UMAD1: variants seen among roughly 807,000 people sequenced by gnomAD.
UMAD1 encodes UBAP1-MVB12-associated (UMA) domain containing 1.
UMAD1 carries 8 observed loss-of-function variants against 6.1 expected under a neutral mutation model. The observed-to-expected ratio is 1.30, with a 90% CI of 0.76 to 2.35. UMAD1 has a LOEUF of 2.35. UMAD1 is among the 30% of genes most tolerant of loss of function. UMAD1 has a pLI of 0.00. For missense variants in UMAD1, 130 were observed against 78.4 expected, an observed-to-expected ratio of 1.66 and a Z score of -2.49; for synonymous variants, 56 against 31.4, an observed-to-expected ratio of 1.78 and a Z score of -2.61.
intron 2 of UMAD1, among the ~76,000 whole-genome samples, chr7:7,691,288 T>C (rs1262440624): frequency 1.3e-5 from 2 of 152,228 alleles, no homozygotes; most frequent in Non-Finnish European, 2.9e-5. Flanking sequence ...AAAAAACTTG[T>C]AAACAACTGA....
chr7:7,850,627 T>C (rs1783890492), intron 3 of UMAD1, among the ~76,000 whole-genome samples: 1 of 152,120 alleles, frequency 6.6e-6, no homozygotes, highest in Non-Finnish European at 1.5e-5. Context: ...TTATTTCTGG[T>C]ATATAATCAG....
chr7:7,696,354 A>C (rs1405374273), intron 2 of UMAD1, among the ~76,000 whole-genome samples: 2 of 151,932 alleles, frequency 1.3e-5, no homozygotes, highest in African/African-American at 4.8e-5. Flanking sequence ...GTATCACGAT[A>C]AAGACAATTT....
At chr7:7,769,305 A>G (rs1426640306) in intron 2 of UMAD1, among the ~76,000 whole-genome samples, 2 of 152,120 alleles carry the variant, frequency 1.3e-5, no homozygotes, top group South Asian at 2.1e-4. Flanking sequence ...CTCAAAAATA[A>G]TTGCCCTTTA....
rs558373339 is a variant in UMAD1, at chr7:7,668,439, A to G, written c.-63-4870A>G. Among the ~76,000 whole-genome samples, 7 of 152,220 alleles carry G rather than the reference A, an allele frequency of 4.6e-5. No individual in the cohort carries two copies. In the South Asian group the frequency reaches 1.4e-3, roughly 32 times the overall value. On this transcript the variant is annotated intron_variant, in intron 1 of 3. Coordinates refer to ENST00000682710, the MANE Select transcript of UMAD1 (RefSeq NM_001302348.2). ...GGGGGACCATATTCACATAACTTTT[A>G]TTACTATATATTGTTATAGTTCTAT...
chr7:7,748,535 A>C (rs1781617835), intron 2 of UMAD1, among the ~76,000 whole-genome samples: 2 of 152,014 alleles, frequency 1.3e-5, no homozygotes, highest in Non-Finnish European at 2.9e-5. Flanking sequence ...GAGGGGATCA[A>C]GTGAGGAAGG....
At chr7:7,875,012 G>T (rs1176375476) in intron 3 of UMAD1, among the ~76,000 whole-genome samples, 1 of 152,142 alleles carries the variant, frequency 6.6e-6, no homozygotes, top group Non-Finnish European at 1.5e-5. Flanking sequence ...GACCTCAGGT[G>T]ATCTGCCCAC....
At chr7:7,676,099 C>T in intron 2 of UMAD1, 1 of 398,664 alleles carries the variant, frequency 2.5e-6, no homozygotes. Context: ...CCTTCTTCCG[C>T]AGAAGCATCT....
intron 3 of UMAD1, among the ~76,000 whole-genome samples, chr7:7,804,139 A>G (rs796681015): frequency 2.0e-5 from 3 of 152,314 alleles, no homozygotes; most frequent in African/African-American, 7.2e-5. Flanking sequence ...AGTGCCTTCT[A>G]TGCAAGTACC....
chr7:7,728,891 A>T (rs1268472339), intron 2 of UMAD1, among the ~76,000 whole-genome samples: 1 of 152,182 alleles, frequency 6.6e-6, no homozygotes, highest in Non-Finnish European at 1.5e-5. Flanking sequence ...TTAGGAATGT[A>T]TGGTGAATAT....
chr7:7,693,510 T>C (rs891464717), intron 2 of UMAD1, among the ~76,000 whole-genome samples: 15 of 152,150 alleles, frequency 9.9e-5, no homozygotes, highest in African/African-American at 3.4e-4. Context: ...TTTTCCTGGA[T>C]GTCGATAGTT....
At chr7:7,663,010 A>G (rs1482026776) in intron 1 of UMAD1, among the ~76,000 whole-genome samples, 1 of 84,000 alleles carries the variant, frequency 1.2e-5, no homozygotes, top group Non-Finnish European at 2.7e-5. Context: ...GTGCTTTGAA[A>G]AAGCCTTTTT....
intron 2 of UMAD1, among the ~76,000 whole-genome samples, chr7:7,723,061 A>G (rs1015212881): frequency 5.3e-5 from 8 of 152,142 alleles, no homozygotes; most frequent in Non-Finnish European, 1.0e-4. Context: ...TTGCCAGGCA[A>G]GATAATGTTG....
At chr7:7,661,983 CCTTT>C (rs1229431564) in intron 1 of UMAD1, among the ~76,000 whole-genome samples, 1 of 152,138 alleles carries the variant, frequency 6.6e-6, no homozygotes, top group Non-Finnish European at 1.5e-5. Flanking sequence ...GGGGCTGCTG[CCTTT>C]CTTTCAGAGA....
intron 2 of UMAD1, among the ~76,000 whole-genome samples, chr7:7,769,238 C>G (rs1489000869): frequency 1.3e-5 from 2 of 152,098 alleles, no homozygotes; most frequent in African/African-American, 4.8e-5. Flanking sequence ...AGTGAAAACT[C>G]AATAAATCTG....
At chr7:7,781,607 C>G (rs916157868) in intron 2 of UMAD1, among the ~76,000 whole-genome samples, 1 of 151,874 alleles carries the variant, frequency 6.6e-6, no homozygotes, top group Non-Finnish European at 1.5e-5. Flanking sequence ...TAGCTTTATT[C>G]TTAAAATTTA....
intron 3 of UMAD1, among the ~76,000 whole-genome samples, chr7:7,835,449 C>T (rs1583861081): frequency 1.5e-5 from 1 of 66,590 alleles, no homozygotes; most frequent in Non-Finnish European, 3.1e-5. Flanking sequence ...TTCATTCACT[C>T]ATTGAAACAG....
At chr7:7,789,077 A>T (rs900039002) in intron 2 of UMAD1, among the ~76,000 whole-genome samples, 12 of 152,260 alleles carry the variant, frequency 7.9e-5, no homozygotes, top group Non-Finnish European at 1.5e-4. Flanking sequence ...GGTGATATAC[A>T]TACAAGCAAA....
chr7:7,840,732 C>G (rs1783664234), intron 3 of UMAD1, among the ~76,000 whole-genome samples: 1 of 152,140 alleles, frequency 6.6e-6, no homozygotes, highest in Non-Finnish European at 1.5e-5. Flanking sequence ...TGGGGAAAGT[C>G]TCCAGATGTT....
intron 2 of UMAD1, among the ~76,000 whole-genome samples, chr7:7,774,079 G>A (rs1466593442): frequency 6.6e-6 from 1 of 152,132 alleles, no homozygotes; most frequent in African/African-American, 2.4e-5. Context: ...GATAGCTGGT[G>A]CTTTTTCTGT....
Sources: gnomAD v4.1 joint callset for allele counts (sites outside exome capture counted in the v4.1 genomes callset) on GRCh38, gnomAD v4.1.1 for gene constraint, MANE v1.5 for transcripts, NCBI Gene and HGNC (gene_info 2026-07-23, HGNC 2026-07-21) for gene names.